Variants in CCDC7 observed in about 807,000 individuals in gnomAD.
The protein encoded by CCDC7 is coiled-coil domain-containing protein 7.
A neutral mutation model predicts 196.9 loss-of-function variants in CCDC7; 183 were observed. The observed-to-expected ratio is 0.93, with a 90% confidence interval of 0.82 to 1.05. The LOEUF (loss-of-function observed/expected upper bound fraction) is 1.05. Among genes scored for constraint, CCDC7 ranks in the 50% least tolerant of loss-of-function variants. The pLI is 0.00. For missense variants in CCDC7, 1,540 were observed against 1,482.2 expected (o/e 1.04, Z -0.64); for synonymous variants, 525 against 484.6 (o/e 1.08, Z -1.10).
intron 8 of CCDC7, among the ~76,000 whole-genome samples, chr10:32,487,771 G>A (rs961449720): frequency 2.6e-5 from 4 of 152,336 alleles, no homozygotes; most frequent in Admixed American, 2.6e-4. Flanking sequence ...GTTTGCCTGG[G>A]TATCAGCAGC....
At chr10:32,787,161 AT>A (rs925463600) in intron 29 of CCDC7, among the ~76,000 whole-genome samples, 4 of 152,186 alleles carry the variant, frequency 2.6e-5, no homozygotes, top group African/African-American at 9.6e-5. Flanking sequence ...TGGGTAAAAA[AT>A]ATCCCAAATT....
At chr10:32,480,269 G>A (rs1589000426) in intron 8 of CCDC7, among the ~76,000 whole-genome samples, 1 of 151,006 alleles carries the variant, frequency 6.6e-6, no homozygotes, top group Admixed American at 6.6e-5. Context: ...GTTCCTTGAG[G>A]TGTGACATTA....
At chr10:32,535,136 C>T (rs988612039) in intron 11 of CCDC7, among the ~76,000 whole-genome samples, 5 of 151,032 alleles carry the variant, frequency 3.3e-5, no homozygotes, top group Admixed American at 2.6e-4. Flanking sequence ...AAACTCCGGG[C>T]AGATGGTAGG....
intron 25 of CCDC7, among the ~76,000 whole-genome samples, chr10:32,712,032 G>A (rs2080926272): frequency 6.6e-6 from 1 of 152,112 alleles, no homozygotes; most frequent in Non-Finnish European, 1.5e-5. Context: ...CCATTTATGG[G>A]CACCTCTGAT....
At chr10:32,847,694 G>A (rs2093363433) in intron 37 of CCDC7, 139 bp from the exon 39 acceptor site, 1 of 568,774 alleles carries the variant, frequency 1.8e-6, no homozygotes, top group Non-Finnish European at 3.0e-6. Flanking sequence ...CAGCCTGAGT[G>A]ACAGAACAAG....
chr10:32,859,024 A>T (rs1157922949), intron 41 of CCDC7, among the ~76,000 whole-genome samples: 2 of 152,186 alleles, frequency 1.3e-5, no homozygotes, highest in African/African-American at 2.4e-5. Context: ...CAGAAAATTG[A>T]CAAGGATATC....
At chr10:32,517,221 A>C (rs1383534367) in intron 9 of CCDC7, among the ~76,000 whole-genome samples, 1 of 152,198 alleles carries the variant, frequency 6.6e-6, no homozygotes, top group East Asian at 1.9e-4. Flanking sequence ...CCTGCTATGG[A>C]ATAATCATTA....
chr10:32,828,485 G>GAA (rs1491309680), intron 32 of CCDC7, among the ~76,000 whole-genome samples: 592 of 49,656 alleles, frequency 0.012, 55 homozygotes, highest in Non-Finnish European at 0.018. Flanking sequence ...AAGAGGAAGA[G>GAA]GAAGAAGAAG....
At chr10:32,684,979 A>C (rs994255045) in intron 21 of CCDC7, among the ~76,000 whole-genome samples, 2 of 151,570 alleles carry the variant, frequency 1.3e-5, no homozygotes, top group Non-Finnish European at 2.9e-5. Context: ...TTTGAAATAT[A>C]CGAAACCTGA....
intron 25 of CCDC7, among the ~76,000 whole-genome samples, chr10:32,721,551 G>A (rs2082419518): frequency 6.6e-6 from 1 of 152,100 alleles, no homozygotes; most frequent in Non-Finnish European, 1.5e-5. Context: ...CTAGATTTCT[G>A]CTTGTGTGAT....
chr10:32,852,532 G>C (rs548510187), intron 40 of CCDC7, among the ~76,000 whole-genome samples: 8 of 152,092 alleles, frequency 5.3e-5, no homozygotes, highest in African/African-American at 1.9e-4. Flanking sequence ...GCCCAGGCTG[G>C]AGTGCAGTGG....
Position 32,511,811 on chromosome 10 carries a change from GCC to G in CCDC7, c.873-6133_873-6132del. On this transcript the variant is annotated intron_variant, in intron 9 of 41. Coordinates refer to ENST00000639629, the Ensembl canonical transcript of CCDC7. ...CGGGCAACGATGACGACAATGACGC[GCC>G]AGCTCTGCCCGCGCCACCAGCGGCG... is the stretch of plus-strand genomic sequence containing the variant. 3.0e-6 allele frequency: 3 copies of G among 999,040 alleles called. No individual in the cohort carries two copies. The East Asian group carries it at 7.6e-5, about 25-fold the overall frequency. The allele number at this position is 999,040 out of a possible 1,614,324, so 61.9% of individuals were successfully genotyped here. A position where few individuals can be genotyped will look rare whatever the true frequency, so the allele number is the denominator to read the frequency against.
intron 28 of CCDC7, among the ~76,000 whole-genome samples, chr10:32,750,771 T>G (rs2075535274): frequency 6.6e-6 from 1 of 152,148 alleles, no homozygotes; most frequent in Non-Finnish European, 1.5e-5. Context: ...TCTTCTCAGT[T>G]TACTTTGTTT....
chr10:32,853,001 G>T (rs2093620101), intron 40 of CCDC7, among the ~76,000 whole-genome samples: 1 of 152,140 alleles, frequency 6.6e-6, no homozygotes, highest in African/African-American at 2.4e-5. Context: ...GGGTTTTGTT[G>T]GTTGGAACTC....
chr10:32,845,768 TACACAC>T (rs145287806), intron 35 of CCDC7, 102 bp from the exon 37 acceptor site: 76,700 of 750,394 alleles, frequency 0.1, 1,991 homozygotes, highest in East Asian at 0.15. Context: ...CTTCCATAAT[TACACAC>T]ACACACACAC....
intron 9 of CCDC7, among the ~76,000 whole-genome samples, chr10:32,509,933 G>T (rs993117400): frequency 2.9e-4 from 44 of 152,178 alleles, no homozygotes; most frequent in Non-Finnish European, 2.9e-4. Context: ...AACACTACTG[G>T]TGGGAATGTA....
intron 20 of CCDC7, among the ~76,000 whole-genome samples, chr10:32,645,085 A>T (rs1447866966): frequency 6.6e-6 from 1 of 152,234 alleles, no homozygotes; most frequent in Non-Finnish European, 1.5e-5. Flanking sequence ...TGGCCAACAA[A>T]TATATGAAAA....
At chr10:32,451,566 T>A, upstream of CCDC7, 1 of 1,505,324 alleles carries the variant, frequency 6.6e-7, no homozygotes, top group Non-Finnish European at 8.8e-7. Flanking sequence ...TGGTGTTTTC[T>A]CTGAATCTCT....
intron 28 of CCDC7, among the ~76,000 whole-genome samples, chr10:32,770,575 G>A (rs1018362500): frequency 5.3e-5 from 8 of 152,116 alleles, no homozygotes; most frequent in African/African-American, 1.9e-4. Flanking sequence ...CTGATGAGAA[G>A]AATGTTTATT....
Sources: gnomAD v4.1 joint callset for allele counts (sites outside exome capture counted in the v4.1 genomes callset) on GRCh38, gnomAD v4.1.1 for gene constraint, MANE v1.5 for transcripts, NCBI Gene and HGNC (gene_info 2026-07-23, HGNC 2026-07-21) for gene names.